Variants in GRHL1 observed in about 807,000 individuals in gnomAD.
GRHL1 encodes grainyhead like transcription factor 1, also known as grainyhead-like protein 1 homolog.
Under a neutral mutation model 75.7 loss-of-function variants are expected in GRHL1, and 38 were observed. That is an observed-to-expected ratio of 0.50 (90% CI 0.39 to 0.66). The LOEUF is 0.66. Ranked by LOEUF, GRHL1 falls within the 30% of genes least tolerant of loss-of-function variation. The pLI is 0.00. For missense variants in GRHL1, 589 were observed against 767.5 expected (o/e 0.77, Z 2.75); for synonymous variants, 266 against 279.4 (o/e 0.95, Z 0.48).
At chr2:9,982,410 G>T (rs1026562712) in intron 8 of GRHL1, among the ~76,000 whole-genome samples, 4 of 152,174 alleles carry the variant, frequency 2.6e-5, no homozygotes, top group African/African-American at 9.7e-5. Context: ...AAAAAAAACA[G>T]TCCCAGCATC....
chr2:9,976,358 AC>A (rs1238060805), intron 8 of GRHL1, among the ~76,000 whole-genome samples: 2 of 152,076 alleles, frequency 1.3e-5, no homozygotes, highest in African/African-American at 2.4e-5. Context: ...GGCATGCAGA[AC>A]CCAGAATGAG....
chr2:10,000,022 C>T (rs971100399), intron 15 of GRHL1, among the ~76,000 whole-genome samples: 7 of 152,216 alleles, frequency 4.6e-5, no homozygotes, highest in Non-Finnish European at 8.8e-5. Context: ...TTCACTCTAT[C>T]GCCCAGGCTG....
chr2:9,963,706 A>T (rs1471065442), intron 5 of GRHL1, among the ~76,000 whole-genome samples, 180 bp from the exon 6 acceptor site: 2 of 152,186 alleles, frequency 1.3e-5, no homozygotes, highest in Non-Finnish European at 2.9e-5. Context: ...CACATCATAG[A>T]ATTTTTAATC....
intron 2 of GRHL1, 57 bp from the exon 3 acceptor site, chr2:9,958,729 G>A: frequency 2.3e-6 from 3 of 1,302,848 alleles, no homozygotes; most frequent in Non-Finnish European, 3.3e-6. Flanking sequence ...TGTATCTTTG[G>A]GTAAACTGCA....
chr2:9,957,400 T>C (rs1326190924), intron 2 of GRHL1, among the ~76,000 whole-genome samples: 2 of 150,298 alleles, frequency 1.3e-5, no homozygotes, highest in African/African-American at 2.5e-5. Flanking sequence ...ATATTGTTAA[T>C]ACATGAAGCA....
At chr2:9,954,200 A>T (rs3828261) in intron 1 of GRHL1, among the ~76,000 whole-genome samples, 17,382 of 152,094 alleles carry the variant, frequency 0.11, 991 homozygotes, top group Non-Finnish European at 0.13. Flanking sequence ...TATTTTTTTT[A>T]AAACTTTTTG....
chr2:9,974,491 G>T (rs6744044), intron 8 of GRHL1, among the ~76,000 whole-genome samples: 25,855 of 152,110 alleles, frequency 0.17, 2,806 homozygotes, highest in African/African-American at 0.31. Context: ...TGAAGCTTTT[G>T]AGTTGGGCGT....
chr2:9,967,765 A>C (rs2125216482), intron 8 of GRHL1, among the ~76,000 whole-genome samples: 1 of 151,402 alleles, frequency 6.6e-6, no homozygotes, highest in South Asian at 2.1e-4. Context: ...AAGAGTGAAC[A>C]AGTGTACATG....
At chr2:9,966,899 A>G (rs1311179177) in intron 8 of GRHL1, among the ~76,000 whole-genome samples, 1 of 152,296 alleles carries the variant, frequency 6.6e-6, no homozygotes, top group East Asian at 1.9e-4. Context: ...AGGTGGCTGC[A>G]TAGTCCGGAG....
Position 9,968,924 on chromosome 2 carries a change from C to T in GRHL1, c.1110+3543C>T, listed in dbSNP as rs1572350328. ...AAGTGTCCCCATTTGTGGGGACAGC[C>T]TGAGATCTTAAATATGACATCATGT... is the stretch of plus-strand genomic sequence containing the variant. On this transcript the variant is annotated intron_variant, in intron 8 of 15. Coordinates refer to ENST00000324907, the MANE Select transcript of GRHL1 (RefSeq NM_198182.3). This position sits in a 1 kb window ranked among gnomAD's most constrained non-coding sequence, Gnocchi z 4.7. 6.6e-6 allele frequency among the ~76,000 whole-genome samples: 1 copy of T among 152,154 alleles called. No homozygotes were observed. Among genetic ancestry groups the T allele is most frequent in the African/African-American group, 2.4e-5 (1 of 41,444 alleles).
chr2:9,981,460 A>G (rs1172816195), intron 8 of GRHL1, among the ~76,000 whole-genome samples: 1 of 152,366 alleles, frequency 6.6e-6, no homozygotes, highest in Non-Finnish European at 1.5e-5. Flanking sequence ...AACTTAGAGG[A>G]TGGTTTAGAT....
chr2:9,967,956 T>C (rs1186637326), intron 8 of GRHL1, among the ~76,000 whole-genome samples: 1 of 152,234 alleles, frequency 6.6e-6, no homozygotes, highest in Non-Finnish European at 1.5e-5. Flanking sequence ...GATTTCCAGT[T>C]CTTTCTCCCT....
At chr2:9,962,388 A>C in intron 4 of GRHL1, 67 bp from the exon 5 acceptor site, 1 of 867,306 alleles carries the variant, frequency 1.2e-6, no homozygotes, top group Non-Finnish European at 2.0e-6. Context: ...ATGCGGTACC[A>C]GAGCTTGGTC....
chr2:9,959,040 C>G (rs1667157521), intron 3 of GRHL1, 184 bp downstream of exon 3: 4 of 904,344 alleles, frequency 4.4e-6, no homozygotes, highest in Middle Eastern at 2.4e-4. Context: ...TTCCTTTTTT[C>G]TTTGGGCGTA....
intron 1 of GRHL1, 120 bp from the exon 2 acceptor site, chr2:9,954,795 C>T (rs1318067162): frequency 4.6e-6 from 4 of 863,970 alleles, no homozygotes; most frequent in African/African-American, 1.7e-5. Flanking sequence ...CTTAATTTGA[C>T]TTCCTAGGGT....
intron 8 of GRHL1, among the ~76,000 whole-genome samples, chr2:9,981,059 C>T (rs1368388451): frequency 6.6e-6 from 1 of 152,236 alleles, no homozygotes; most frequent in Non-Finnish European, 1.5e-5. Context: ...AACTGAGGAA[C>T]AAAGTGTGCC....
At chr2:9,965,258 T>C (rs777073791) in intron 7 of GRHL1, 29 bp from the exon 8 acceptor site, 1 of 1,278,890 alleles carries the variant, frequency 7.8e-7, no homozygotes, top group South Asian at 1.2e-5. Context: ...CTCATGAGTT[T>C]TCATTTTCTC....
chr2:9,980,713 A>G (rs1897165), intron 8 of GRHL1, among the ~76,000 whole-genome samples: 46,888 of 152,018 alleles, frequency 0.31, 7,604 homozygotes, highest in African/African-American at 0.39. Flanking sequence ...CATCTTTTGA[A>G]TTCTTAAAGT....
At chr2:9,964,152 C>G in intron 6 of GRHL1, 83 bp from the exon 7 acceptor site, 1 of 1,324,120 alleles carries the variant, frequency 7.6e-7, no homozygotes, top group Non-Finnish European at 1.1e-6. Context: ...TAAGCCTTCA[C>G]TGTAAAATAT....
Sources: allele counts gnomAD v4.1 joint callset (sites outside exome capture counted in the v4.1 genomes callset), GRCh38; gene constraint gnomAD v4.1.1; non-coding constraint Gnocchi (gnomAD v3.1); transcripts MANE v1.5; gene names NCBI Gene and HGNC (gene_info 2026-07-23, HGNC 2026-07-21).